The following ERBB4 variants were observed in gnomAD, a reference collection of about 807,000 sequenced individuals.
The protein encoded by ERBB4 is erb-b2 receptor tyrosine kinase 4, also known as receptor tyrosine-protein kinase erbB-4.
Under a neutral mutation model 158.0 loss-of-function variants are expected in ERBB4, and 42 were observed. That is an observed-to-expected ratio of 0.27 (90% CI 0.21 to 0.34). ERBB4 has a LOEUF of 0.34. Among genes scored for constraint, ERBB4 ranks in the 10% least tolerant of loss-of-function variants. The probability of loss-of-function intolerance (pLI) is 1.00; values close to 1 mark genes in which losing one functional copy is unlikely to be tolerated. For synonymous variants in ERBB4, 583 were observed against 558.7 expected, an observed-to-expected ratio of 1.04 and a Z score of -0.61; for missense variants, 1,333 against 1,624.1, an observed-to-expected ratio of 0.82 and a Z score of 3.08.
At chr2:212,506,595 A>G (rs1364829228) in intron 1 of ERBB4, among the ~76,000 whole-genome samples, 1 of 152,154 alleles carries the variant, frequency 6.6e-6, no homozygotes, top group Non-Finnish European at 1.5e-5. Context: ...TAGTCTGGAT[A>G]GAAGATCAAA....
intron 19 of ERBB4, among the ~76,000 whole-genome samples, 199 bp from the exon 20 acceptor site, chr2:211,562,287 C>G (rs368543855): frequency 1.3e-5 from 2 of 152,274 alleles, no homozygotes; most frequent in South Asian, 2.1e-4. Context: ...ACAACAAAGT[C>G]TCTACATGCA....
intron 20 of ERBB4, among the ~76,000 whole-genome samples, chr2:211,545,242 G>GAAC (rs571551787): frequency 1.2e-3 from 181 of 152,064 alleles, no homozygotes; most frequent in African/African-American, 4.1e-3. Context: ...AAGTAGAAAA[G>GAAC]AACACATCAT....
intron 1 of ERBB4, among the ~76,000 whole-genome samples, chr2:212,373,824 CAT>C (rs72314218): frequency 0.38 from 28,065 of 74,736 alleles, 7,521 homozygotes; most frequent in African/African-American, 0.58. Flanking sequence ...TGTATATATC[CAT>C]ATATATATAT....
chr2:211,515,437 CTTA>C (rs778236272), intron 20 of ERBB4, among the ~76,000 whole-genome samples: 3 of 152,024 alleles, frequency 2.0e-5, no homozygotes, highest in Non-Finnish European at 2.9e-5. Context: ...AATCAGAAAT[CTTA>C]TTAATTCCAG....
chr2:212,272,154 A>G (rs2085365634), intron 1 of ERBB4, among the ~76,000 whole-genome samples: 1 of 151,796 alleles, frequency 6.6e-6, no homozygotes, highest in African/African-American at 2.4e-5. Flanking sequence ...CCTTATAAAT[A>G]TAAACATATA....
At chr2:212,276,445 G>A (rs1238086245) in intron 1 of ERBB4, among the ~76,000 whole-genome samples, 1 of 151,648 alleles carries the variant, frequency 6.6e-6, no homozygotes, top group Non-Finnish European at 1.5e-5. Context: ...AGGACCTTAA[G>A]CAAAAATAGA....
intron 2 of ERBB4, among the ~76,000 whole-genome samples, chr2:211,966,236 ATAT>A (rs1046454336): frequency 2.0e-5 from 3 of 151,930 alleles, no homozygotes; most frequent in Non-Finnish European, 2.9e-5. Flanking sequence ...AAGAATTTCA[ATAT>A]TATTATTATT....
At chr2:211,788,600 A>G (rs770021481) in intron 3 of ERBB4, among the ~76,000 whole-genome samples, 12 of 152,176 alleles carry the variant, frequency 7.9e-5, no homozygotes, top group Non-Finnish European at 1.5e-4. Context: ...TATTTAACCA[A>G]TCCTCTCTTG....
intron 1 of ERBB4, among the ~76,000 whole-genome samples, chr2:212,368,713 A>T (rs2089979488): frequency 6.6e-6 from 1 of 152,116 alleles, no homozygotes; most frequent in Admixed American, 6.6e-5. Flanking sequence ...GGCTAGCTAA[A>T]TATAAGACAC....
rs966121897 is a variant in ERBB4 at position 211,464,814 on chromosome 2, C to G, written c.2488-33714G>C. Among the ~76,000 whole-genome samples the G allele has an allele frequency of 5.9e-5, 9 of 151,868 alleles. No individual in the cohort carries two copies. In the East Asian group the frequency reaches 1.7e-3, roughly 29 times the overall value. ...TGTTACAGTGGTGGCTTCTAATGGACCATACCTCACTATATCCATGAAGTC... is the reference window on the plus strand; with the variant it reads ...TGTTACAGTGGTGGCTTCTAATGGAGCATACCTCACTATATCCATGAAGTC... On this transcript the variant is annotated intron_variant, in intron 20 of 27. Transcript: ENST00000342788.
At chr2:212,294,341 G>A (rs750281843) in intron 1 of ERBB4, among the ~76,000 whole-genome samples, 2 of 151,896 alleles carry the variant, frequency 1.3e-5, no homozygotes, top group Non-Finnish European at 2.9e-5. Flanking sequence ...AGAAATTCGT[G>A]TCTCTATTTC....
intron 2 of ERBB4, among the ~76,000 whole-genome samples, chr2:211,948,819 T>C (rs1039235229): frequency 1.3e-5 from 2 of 152,262 alleles, no homozygotes; most frequent in South Asian, 2.1e-4. Context: ...GGTGATCTTA[T>C]TCAGTTTCAA....
intron 7 of ERBB4, among the ~76,000 whole-genome samples, chr2:211,717,241 C>A (rs929829812): frequency 6.6e-6 from 1 of 152,182 alleles, no homozygotes; most frequent in African/African-American, 2.4e-5. Flanking sequence ...TAGCCCCATC[C>A]TGCAATACTG....
chr2:212,518,671 T>A (rs1691974050), intron 1 of ERBB4, among the ~76,000 whole-genome samples: 1 of 152,058 alleles, frequency 6.6e-6, no homozygotes, highest in Non-Finnish European at 1.5e-5. Flanking sequence ...TTATACTTAA[T>A]AATTTCCAAA....
At chr2:211,847,698 A>C (rs138489297) in intron 3 of ERBB4, among the ~76,000 whole-genome samples, 165 of 152,170 alleles carry the variant, frequency 1.1e-3, no homozygotes, top group African/African-American at 3.8e-3. Context: ...TGTATGGCCC[A>C]AGATAATTCT....
chr2:211,807,338 C>T (rs553321234), intron 3 of ERBB4, among the ~76,000 whole-genome samples: 4 of 152,306 alleles, frequency 2.6e-5, no homozygotes, highest in African/African-American at 9.6e-5. Flanking sequence ...GTTTCCTGCG[C>T]TGTGCCCAAG....
intron 20 of ERBB4, among the ~76,000 whole-genome samples, chr2:211,505,104 C>T (rs988806671): frequency 6.6e-6 from 1 of 151,894 alleles, no homozygotes; most frequent in East Asian, 1.9e-4. Context: ...TCACAGAACA[C>T]CTGGAAGATA....
chr2:211,705,296 C>T (rs768112632), intron 10 of ERBB4, 22 bp downstream of exon 10: 2 of 1,509,304 alleles, frequency 1.3e-6, no homozygotes, highest in African/African-American at 2.8e-5. Flanking sequence ...CATAGCGCAA[C>T]AGTTGCAGTT....
chr2:211,651,700 G>T (rs1298464434), intron 16 of ERBB4, among the ~76,000 whole-genome samples: 1 of 151,916 alleles, frequency 6.6e-6, no homozygotes, highest in East Asian at 1.9e-4. Flanking sequence ...TGGTGGGGGT[G>T]GGGTGGGAAG....
Sources: gnomAD v4.1 joint callset for allele counts (sites outside exome capture counted in the v4.1 genomes callset) on GRCh38, gnomAD v4.1.1 for gene constraint, MANE v1.5 for transcripts, NCBI Gene and HGNC (gene_info 2026-07-23, HGNC 2026-07-21) for gene names.